The following MROH7 variants were observed in gnomAD, a reference collection of about 807,000 sequenced individuals.
The protein encoded by MROH7 is maestro heat like repeat family member 7.
MROH7 carries 113 observed loss-of-function variants against 129.2 expected under a neutral mutation model. That is an observed-to-expected ratio of 0.87 (90% CI 0.75 to 1.02). MROH7 has a LOEUF of 1.02. Ranked by LOEUF, MROH7 falls within the 50% of genes least tolerant of loss-of-function variation. The pLI is 0.00. For missense variants in MROH7, 1,601 were observed against 1,671.3 expected (o/e 0.96, Z 0.73); for synonymous variants, 655 against 667.9 (o/e 0.98, Z 0.30).
At position 54,670,481 on chromosome 1, in the gene MROH7, G is replaced by C. The variant is rs368935574; in HGVS notation, c.1390-16G>C. The C allele has an allele frequency of 8.0e-5, 129 of 1,612,456 alleles. No homozygotes were observed. Among genetic ancestry groups the C allele is most frequent in the Non-Finnish European group, 1.0e-4 (120 of 1,179,142 alleles). The stretch of plus-strand genomic sequence containing the variant: ...TAGCCCTGTCCTCATCGGCCCTTCT[G>C]TGGCCCCCTGTCCAGAGGCAGATCC... On this transcript the variant is annotated splice_polypyrimidine_tract_variant and intron_variant, in intron 5 of 23. Transcript: ENST00000421030.
At chr1:54,683,887 G>A (rs531119670) in intron 14 of MROH7, among the ~76,000 whole-genome samples, 4 of 152,236 alleles carry the variant, frequency 2.6e-5, no homozygotes, top group Non-Finnish European at 4.4e-5. Context: ...AAATCTGTAC[G>A]TAGTATATTT....
At chr1:54,685,735 G>A (rs1415169019) in intron 14 of MROH7, among the ~76,000 whole-genome samples, 1 of 152,162 alleles carries the variant, frequency 6.6e-6, no homozygotes, top group Non-Finnish European at 1.5e-5. Flanking sequence ...ATGGGGATGG[G>A]AGTGAGGACA....
rs1393816486 is a variant in MROH7, at chr1:54,653,762, C to T, written c.836C>T (p.Ala279Val). ...AGTTCAAAGGAAACCATGAATGTGGCTTCCAGCGGCCACTCCAGATCTGAT... is the reference window on the plus strand; with the variant it reads ...AGTTCAAAGGAAACCATGAATGTGGTTTCCAGCGGCCACTCCAGATCTGAT... ...STSSKETMNV[A>V]SSGHSRSDLS... The change falls in exon 3 of 24, where the codon GCT becomes GTT. Residue 279 changes from alanine (A) to valine (V), a missense_variant. Coordinates refer to ENST00000421030, the MANE Select transcript of MROH7 (RefSeq NM_001039464.4). 7.4e-6 allele frequency: 12 copies of T among 1,614,180 alleles called. No homozygotes were observed. The highest frequency in any genetic ancestry group is 1.0e-5 in the Non-Finnish European group (12 of 1,180,022).
chr1:54,657,969 T>G (rs1391977587), intron 3 of MROH7, among the ~76,000 whole-genome samples: 5 of 152,174 alleles, frequency 3.3e-5, no homozygotes, highest in Non-Finnish European at 7.3e-5. Context: ...CCAGCCATTT[T>G]TAAGTGAACA....
chr1:54,667,163 T>C (rs1436954481), intron 4 of MROH7, among the ~76,000 whole-genome samples: 1 of 152,202 alleles, frequency 6.6e-6, no homozygotes, highest in Non-Finnish European at 1.5e-5. Flanking sequence ...CCCTAGTTCT[T>C]TGCATAGCTA....
rs903303535 is a variant in MROH7 at position 54,685,477 on chromosome 1, G to A, written c.2521-781G>A. On this transcript the variant is annotated intron_variant, in intron 14 of 23. Coordinates refer to ENST00000421030, the MANE Select transcript of MROH7 (RefSeq NM_001039464.4). ...CTGAGGCCCAGAGGCGCCAGGGAGT[G>A]GTAGAGCCAGAATGAGCCATGAGTC... Among the ~76,000 whole-genome samples the A allele has an allele frequency of 2.0e-5, 3 of 152,210 alleles. No homozygotes were observed. The East Asian group carries it at 5.8e-4, about 29-fold the overall frequency.
chr1:54,653,964 C>T lies in MROH7; in HGVS notation c.1038C>T (p.Ser346=), dbSNP rs758888672. 28 of 1,614,068 alleles carry T rather than the reference C, an allele frequency of 1.7e-5. No individual in the cohort carries two copies. Among genetic ancestry groups the T allele is most frequent in the African/African-American group, 1.1e-4 (8 of 74,932 alleles). ...GCCTGGACTCCAGCCTCCTGTTCAG[C>T]GACACCTCCACCTTGACGCTGAGCA... ...TLSLDSSLLF[S]DTSTLTLSSQ... The change falls in exon 3 of 24, where the codon AGC becomes AGT. Residue 346 remains serine (S), a synonymous_variant. Coordinates refer to ENST00000421030, the MANE Select transcript of MROH7 (RefSeq NM_001039464.4).
rs1644596175 is a variant in MROH7, at chr1:54,653,774, A to C, written c.848A>C (p.His283Pro). Reference protein sequence around the residue: ...KETMNVASSGHSRSDLSVTIT... With the variant: ...KETMNVASSGPSRSDLSVTIT... ...ACCATGAATGTGGCTTCCAGCGGCC[A>C]CTCCAGATCTGATTTGAGCGTGACC... The change falls in exon 3 of 24, where the codon CAC (histidine) becomes CCC (proline). Residue 283 changes from histidine (H) to proline (P), a missense_variant. His to Pro is a moderately conservative substitution (Grantham distance 77). Transcript: ENST00000421030. 6.2e-7 allele frequency: 1 copy of C among 1,613,840 alleles called. No individual in the cohort carries two copies. Among genetic ancestry groups the C allele is most frequent in the Non-Finnish European group, 8.5e-7 (1 of 1,179,988 alleles).
At chr1:54,643,959 C>A (rs539514328) in intron 1 of MROH7, among the ~76,000 whole-genome samples, 1 of 152,194 alleles carries the variant, frequency 6.6e-6, no homozygotes, top group South Asian at 2.1e-4. Flanking sequence ...ATAGGTAAGG[C>A]TCTCAGGTTG....
chr1:54,697,686 CTTAGGTGAGTTAAGGGGAA>C (rs755268318), intron 17 of MROH7: 1 of 703,316 alleles, frequency 1.4e-6, no homozygotes, highest in South Asian at 1.5e-5. Flanking sequence ...GATACTCATG[CTTAGGTGAGTTAAGGGGAA>C]TTTTTTAAGG....
chr1:54,655,011 T>A (rs953429392), intron 3 of MROH7, among the ~76,000 whole-genome samples: 9 of 148,804 alleles, frequency 6.0e-5, no homozygotes, highest in Non-Finnish European at 9.0e-5. Flanking sequence ...CTGATGAGAA[T>A]CCTATTTTTT....
chr1:54,643,980 T>A (rs570219461), intron 1 of MROH7, among the ~76,000 whole-genome samples: 4 of 152,164 alleles, frequency 2.6e-5, no homozygotes, highest in African/African-American at 9.6e-5. Context: ...CTTTTAAGAT[T>A]TTTTTTTAAA....
chr1:54,686,426 C>A lies in MROH7; in HGVS notation c.2689C>A (p.Pro897Thr), dbSNP rs1286656000. Reference sequence around the variant, plus strand: ...CAAGGACACCAAGAAGGGTGCACAGCCCTCTCCCTTCGTACCTGTGCGGTA... The same window carrying A: ...CAAGGACACCAAGAAGGGTGCACAGACCTCTCCCTTCGTACCTGTGCGGTA... ...PPKDTKKGAQ[P>T]SPFVPVRWVV... is the part of the protein sequence containing the mutation. Residue 897 changes from proline to threonine, a missense_variant, in exon 15 of 24, where the codon CCC (proline) becomes ACC (threonine). Physicochemically the swap from Pro to Thr is conservative, Grantham distance 38. Transcript: ENST00000421030. 6.2e-7 allele frequency: 1 copy of A among 1,613,934 alleles called. No homozygotes were observed. Among genetic ancestry groups the A allele is most frequent in the African/African-American group, 1.3e-5 (1 of 74,906 alleles).
rs1644582154 is a variant in MROH7 at position 54,653,053 on chromosome 1, C to G, written c.127C>G (p.Gln43Glu). The G allele has an allele frequency of 6.2e-7, 1 of 1,614,200 alleles. No individual in the cohort carries two copies. Among genetic ancestry groups the G allele is most frequent in the Non-Finnish European group, 8.5e-7 (1 of 1,180,036 alleles). ...TIPQPHPDMAQVPMLNLLPSP... is the reference protein window; with the variant it reads ...TIPQPHPDMAEVPMLNLLPSP... Reference sequence around the variant, plus strand: ...CCCTCAGCCCCACCCAGACATGGCTCAGGTGCCTATGTTGAATCTGCTCCC... The same window carrying G: ...CCCTCAGCCCCACCCAGACATGGCTGAGGTGCCTATGTTGAATCTGCTCCC... The change falls in exon 3 of 24, where the codon CAG (glutamine) becomes GAG (glutamate). Residue 43 changes from glutamine (Q) to glutamate (E), a missense_variant. By Grantham distance (29) the Gln-to-Glu change is conservative. Coordinates refer to ENST00000421030, the MANE Select transcript of MROH7 (RefSeq NM_001039464.4).
At chr1:54,661,187 C>T (rs764003882) in intron 3 of MROH7, among the ~76,000 whole-genome samples, 2 of 151,836 alleles carry the variant, frequency 1.3e-5, no homozygotes, top group Non-Finnish European at 1.5e-5. Context: ...CTTGGTGAAG[C>T]CTTTTATTTA....
intron 3 of MROH7, among the ~76,000 whole-genome samples, chr1:54,656,763 A>G (rs1228916826): frequency 6.6e-6 from 1 of 152,134 alleles, no homozygotes; most frequent in Non-Finnish European, 1.5e-5. Flanking sequence ...GTAAGCCAAG[A>G]TCGTGCCACT....
chr1:54,654,814 C>A (rs1303109601), intron 3 of MROH7, among the ~76,000 whole-genome samples: 3 of 152,128 alleles, frequency 2.0e-5, no homozygotes, highest in Non-Finnish European at 4.4e-5. Flanking sequence ...CAGGTCTGAG[C>A]AAGGCCTTGG....
Position 54,702,002 on chromosome 1 carries a change from T to G in MROH7, c.3286-88T>G, listed in dbSNP as rs1645443980. 23 of 1,214,688 alleles carry G rather than the reference T, an allele frequency of 1.9e-5. No homozygotes were observed. The South Asian group carries it at 3.6e-4, about 19-fold the overall frequency. 75.2% of individuals were successfully genotyped at this position (1,214,688 alleles called of 1,614,324 possible). A position where few individuals can be genotyped will look rare whatever the true frequency, so the allele number is the denominator to read the frequency against. On this transcript the variant is annotated intron_variant, in intron 19 of 23. Coordinates refer to ENST00000421030, the MANE Select transcript of MROH7 (RefSeq NM_001039464.4). ...AGTCGGGAGAGTTCCAGACCTAGGC[T>G]TGAGTGAGAGGAACAATGGCTCTGA...
chr1:54,683,581 A>C (rs744748), intron 14 of MROH7, among the ~76,000 whole-genome samples: 61,487 of 151,936 alleles, frequency 0.4, 12,907 homozygotes, highest in East Asian at 0.56. Flanking sequence ...TCTTCTCAGC[A>C]CCCTTGATGG....
Sources: allele counts gnomAD v4.1 joint callset (sites outside exome capture counted in the v4.1 genomes callset), GRCh38; gene constraint gnomAD v4.1.1; transcripts MANE v1.5; gene names NCBI Gene and HGNC (gene_info 2026-07-23, HGNC 2026-07-21).